Variants in RFX3 observed in about 807,000 individuals in gnomAD.
RFX3 encodes the protein transcription factor RFX3.
In RFX3, 14 loss-of-function variants were observed where a neutral mutation model predicts 98.6. The observed-to-expected ratio is 0.14, with a 90% CI of 0.09 to 0.22. The LOEUF (loss-of-function observed/expected upper bound fraction) is 0.22, where lower values mean the gene tolerates loss of function less well. Ranked by LOEUF, RFX3 falls within the 10% of genes least tolerant of loss-of-function variation. The probability of loss-of-function intolerance (pLI) is 1.00; values close to 1 mark genes in which losing one functional copy is unlikely to be tolerated. For synonymous variants in RFX3, 383 were observed against 328.4 expected (o/e 1.17, Z -1.80); for missense variants, 639 against 926.9 (o/e 0.69, Z 4.03).
intron 1 of RFX3, among the ~76,000 whole-genome samples, chr9:3,515,712 A>G (rs911998076): frequency 6.6e-6 from 1 of 152,236 alleles, no homozygotes; most frequent in Admixed American, 6.5e-5. Context: ...ATTAAAGTAA[A>G]CTATGCTGAC....
chr9:3,365,971 GCTGT>G (rs1837016179), intron 2 of RFX3, among the ~76,000 whole-genome samples: 1 of 151,842 alleles, frequency 6.6e-6, no homozygotes, highest in Admixed American at 6.5e-5. Flanking sequence ...CCACTGGGAG[GCTGT>G]CTGTGTGGCA....
intron 1 of RFX3, among the ~76,000 whole-genome samples, chr9:3,440,931 T>C (rs1488695641): frequency 1.3e-5 from 2 of 152,146 alleles, no homozygotes; most frequent in East Asian, 3.8e-4. Flanking sequence ...AACTGACCCA[T>C]ATATAAATGA....
intron 1 of RFX3, among the ~76,000 whole-genome samples, chr9:3,512,233 C>T (rs992013269): frequency 6.6e-5 from 10 of 151,876 alleles, no homozygotes; most frequent in African/African-American, 2.2e-4. Flanking sequence ...TTCAAAGCAA[C>T]ACAAAGTAAA....
chr9:3,383,976 A>T (rs1245860919), intron 2 of RFX3, among the ~76,000 whole-genome samples: 2 of 152,188 alleles, frequency 1.3e-5, no homozygotes. Context: ...TGTTCCATTA[A>T]ATTAACCCTC....
intron 1 of RFX3, among the ~76,000 whole-genome samples, chr9:3,503,448 T>C (rs1339225024): frequency 6.6e-6 from 1 of 152,096 alleles, no homozygotes; most frequent in Non-Finnish European, 1.5e-5. Context: ...TCCAATACAG[T>C]AGAATAGCCT....
In RFX3 at chr9:3,251,459, G is replaced by A. The variant is rs141751447; in HGVS notation, c.1815-3274C>T. ...AACTCCTGGGTTCCAGTGATCTTACGCTCCTCACCTCCCATAGGCACTTGC... is the reference window on the plus strand; with the variant it reads ...AACTCCTGGGTTCCAGTGATCTTACACTCCTCACCTCCCATAGGCACTTGC... On this transcript the variant is annotated intron_variant, in intron 14 of 16. Transcript: ENST00000617270. Among the ~76,000 whole-genome samples the A allele has an allele frequency of 6.1e-3, 931 of 151,686 alleles. 3 individuals are homozygous for A. Among genetic ancestry groups the A allele is most frequent in the Non-Finnish European group, 9.9e-3 (675 of 67,932 alleles).
At chr9:3,268,529 T>C (rs952686669) in intron 11 of RFX3, among the ~76,000 whole-genome samples, 2 of 151,850 alleles carry the variant, frequency 1.3e-5, no homozygotes, top group African/African-American at 2.4e-5. Context: ...TACACCTCAT[T>C]GTAGAATGGG....
intron 3 of RFX3, among the ~76,000 whole-genome samples, chr9:3,343,100 T>G (rs1451987975): frequency 1.3e-5 from 2 of 152,178 alleles, no homozygotes; most frequent in Non-Finnish European, 2.9e-5. Flanking sequence ...CATTTTAGTA[T>G]CATCAAATTA....
chr9:3,301,663 G>C (rs374407621), intron 4 of RFX3, 43 bp from the exon 5 acceptor site: 1 of 1,360,670 alleles, frequency 7.3e-7, no homozygotes, highest in East Asian at 2.3e-5. Context: ...AGACAAGATA[G>C]TAATAAAAGG....
At chr9:3,466,498 A>C (rs188423666) in intron 1 of RFX3, among the ~76,000 whole-genome samples, 1 of 152,184 alleles carries the variant, frequency 6.6e-6, no homozygotes, top group Non-Finnish European at 1.5e-5. Context: ...AAAAAATGAA[A>C]TCTATTAGTA....
Position 3,330,333 on chromosome 9 carries a change from T to C in RFX3, c.400A>G (p.Thr134Ala), listed in dbSNP as rs766390583. The change falls in exon 4 of 17, where the codon ACC (threonine) becomes GCC (alanine). Residue 134 changes from threonine to alanine, a missense_variant. Around this residue, in one of 9 missense-constraint regions of RFX3, gnomAD observed 210 missense variants for 197.7 expected, o/e 1.06. Coordinates refer to ENST00000617270, the MANE Select transcript of RFX3 (RefSeq NM_001282116.2). ...GGQLISSSGG[T>A]YLIGNSMENS... Reference sequence around the variant, plus strand: ...TCCATTGAGTTGCCGATCAGATAGGTTCCTCCAGAGCTGCTGATGAGTTGT... The same window carrying C: ...TCCATTGAGTTGCCGATCAGATAGGCTCCTCCAGAGCTGCTGATGAGTTGT... 15 of 1,613,994 alleles carry C rather than the reference T, an allele frequency of 9.3e-6. No individual in the cohort carries two copies. The East Asian group carries it at 2.7e-4, about 29-fold the overall frequency.
chr9:3,507,928 T>C (rs1337285182), intron 1 of RFX3, among the ~76,000 whole-genome samples: 3 of 151,716 alleles, frequency 2.0e-5, no homozygotes, highest in Admixed American at 6.6e-5. Flanking sequence ...AGTGGTGAAA[T>C]ACAAGTTTGA....
intron 15 of RFX3, among the ~76,000 whole-genome samples, chr9:3,231,731 A>G (rs937211891): frequency 1.3e-5 from 2 of 152,058 alleles, no homozygotes; most frequent in South Asian, 2.1e-4. Context: ...AGTACCATAG[A>G]TAGGGGCCAG....
intron 2 of RFX3, among the ~76,000 whole-genome samples, chr9:3,391,290 T>C (rs945840587): frequency 3.3e-5 from 5 of 152,020 alleles, no homozygotes; most frequent in African/African-American, 9.7e-5. Flanking sequence ...CACTGGAATA[T>C]ACTGGGGAGC....
chr9:3,469,477 T>G (rs1848587961), intron 1 of RFX3, among the ~76,000 whole-genome samples: 1 of 152,152 alleles, frequency 6.6e-6, no homozygotes, highest in Non-Finnish European at 1.5e-5. Context: ...CTACGAAATC[T>G]CTCAATACTG....
chr9:3,241,228 T>A (rs948436017), intron 15 of RFX3, among the ~76,000 whole-genome samples: 7 of 151,370 alleles, frequency 4.6e-5, no homozygotes, highest in African/African-American at 1.7e-4. Context: ...TTTTTTGTTT[T>A]TTTTTTTTTT....
At chr9:3,347,147 C>T (rs1220748891) in intron 2 of RFX3, among the ~76,000 whole-genome samples, 1 of 151,962 alleles carries the variant, frequency 6.6e-6, no homozygotes, top group Non-Finnish European at 1.5e-5. Flanking sequence ...ACGGTGAAAC[C>T]CCGTCTTTAC....
intron 1 of RFX3, among the ~76,000 whole-genome samples, chr9:3,443,768 G>A (rs1845804889): frequency 6.6e-6 from 1 of 152,134 alleles, no homozygotes; most frequent in Non-Finnish European, 1.5e-5. Context: ...CTAAGTCTTT[G>A]AGGAATTGCC....
At chr9:3,426,325 CTTT>C (rs917631096) in intron 1 of RFX3, among the ~76,000 whole-genome samples, 1 of 142,862 alleles carries the variant, frequency 7.0e-6, no homozygotes. Flanking sequence ...AAATACCTAT[CTTT>C]TTTTTTTTTT....
Sources: allele counts gnomAD v4.1 joint callset (sites outside exome capture counted in the v4.1 genomes callset), GRCh38; gene constraint gnomAD v4.1.1; regional missense constraint gnomAD v4.1.1; transcripts MANE v1.5; gene names NCBI Gene and HGNC (gene_info 2026-07-23, HGNC 2026-07-21).